MIPOL1: variants seen among roughly 807,000 people sequenced by gnomAD.
The protein encoded by MIPOL1 is mirror-image polydactyly gene 1 protein.
MIPOL1 carries 57 observed loss-of-function variants against 60.9 expected under a neutral mutation model. The ratio of observed to expected loss-of-function variants is 0.94; its 90% CI spans 0.76 to 1.17. MIPOL1 has a LOEUF of 1.17. MIPOL1 is among the 50% of genes most tolerant of loss of function. The pLI is 0.00. For missense variants in MIPOL1, 551 were observed against 511.6 expected, an observed-to-expected ratio of 1.08 and a Z score of -0.74; for synonymous variants, 179 against 168.8, an observed-to-expected ratio of 1.06 and a Z score of -0.47.
intron 11 of MIPOL1, among the ~76,000 whole-genome samples, chr14:37,460,700 T>C (rs755373275): frequency 3.3e-5 from 5 of 152,144 alleles, no homozygotes; most frequent in Non-Finnish European, 7.4e-5. Context: ...CAGTAGCATT[T>C]CCATATACCA....
intron 9 of MIPOL1, among the ~76,000 whole-genome samples, chr14:37,362,756 A>C (rs2092320466): frequency 6.6e-6 from 1 of 152,250 alleles, no homozygotes; most frequent in African/African-American, 2.4e-5. Context: ...AATCAAATGT[A>C]GATTTGGTCT....
intron 9 of MIPOL1, among the ~76,000 whole-genome samples, chr14:37,330,396 C>G (rs1044564881): frequency 6.6e-6 from 1 of 152,030 alleles, no homozygotes; most frequent in African/African-American, 2.4e-5. Context: ...TTCTAAACAC[C>G]TGGAAGCTAG....
chr14:37,477,290 G>T (rs972821367), intron 11 of MIPOL1, among the ~76,000 whole-genome samples: 1 of 151,916 alleles, frequency 6.6e-6, no homozygotes, highest in Non-Finnish European at 1.5e-5. Context: ...GGATGAGATC[G>T]TAGAGAATTG....
chr14:37,256,088 TAACA>T lies in MIPOL1; in HGVS notation c.19+8187_19+8190del, dbSNP rs757757373. Among the ~76,000 whole-genome samples, 26 of 152,030 alleles carry T rather than the reference TAACA, an allele frequency of 1.7e-4. No individual in the cohort carries two copies. The East Asian group carries it at 3.9e-3, about 23-fold the overall frequency. On this transcript the variant is annotated intron_variant, in intron 3 of 12. Transcript: ENST00000684589. ...TGATACACTGTAAAATTAACACAGT[TAACA>T]AACAATGTTCATTGATGTGAACAGT...
chr14:37,316,993 A>G (rs1236460827), intron 9 of MIPOL1, among the ~76,000 whole-genome samples: 1 of 152,100 alleles, frequency 6.6e-6, no homozygotes, highest in African/African-American at 2.4e-5. Context: ...ACAAACAAAC[A>G]AACAAACAAA....
intron 9 of MIPOL1, among the ~76,000 whole-genome samples, chr14:37,332,454 A>T (rs541281359): frequency 6.6e-6 from 1 of 152,172 alleles, no homozygotes; most frequent in African/African-American, 2.4e-5. Flanking sequence ...TTGACTCCCC[A>T]AAACCTAACT....
At position 37,200,699 on chromosome 14, in the gene MIPOL1, C is replaced by G. The variant is rs1312822539; in HGVS notation, c.-199+2595C>G. On this transcript the variant is annotated intron_variant, in intron 1 of 12. Transcript: ENST00000684589. ...TTTTTTTTTTTTTTAACACAGTCCT[C>G]TGGCTGGATTTGAGTTGTGGGCCAT... Among the ~76,000 whole-genome samples, 8 of 138,334 alleles carry G rather than the reference C, an allele frequency of 5.8e-5. No homozygotes were observed. The South Asian group carries it at 1.9e-3, about 32-fold the overall frequency. The allele number at this position is 138,334 out of a possible 152,430, so 90.8% of individuals were successfully genotyped here. A position where few individuals can be genotyped will look rare whatever the true frequency, so the allele number is the denominator to read the frequency against.
intron 1 of MIPOL1, among the ~76,000 whole-genome samples, chr14:37,205,374 G>A (rs942933952): frequency 6.6e-6 from 1 of 152,068 alleles, no homozygotes; most frequent in African/African-American, 2.4e-5. Flanking sequence ...AAAGTGCAGG[G>A]ATTACAGGTA....
intron 12 of MIPOL1, among the ~76,000 whole-genome samples, chr14:37,511,808 T>C (rs899310319): frequency 3.3e-5 from 5 of 152,192 alleles, no homozygotes; most frequent in African/African-American, 9.6e-5. Flanking sequence ...TCATTTTTAC[T>C]GTGGGCCAGA....
chr14:37,466,013 C>T (rs1212605461), intron 11 of MIPOL1, among the ~76,000 whole-genome samples: 1 of 152,092 alleles, frequency 6.6e-6, no homozygotes, highest in Non-Finnish European at 1.5e-5. Flanking sequence ...AGGGGCTCAA[C>T]AGATAATTTA....
chr14:37,243,372 T>G (rs1260696417), intron 1 of MIPOL1, among the ~76,000 whole-genome samples: 1 of 152,146 alleles, frequency 6.6e-6, no homozygotes, highest in Non-Finnish European at 1.5e-5. Flanking sequence ...TTTTGTATAA[T>G]AAGATGAAAA....
At chr14:37,489,432 C>T (rs2095010804) in intron 11 of MIPOL1, among the ~76,000 whole-genome samples, 1 of 152,142 alleles carries the variant, frequency 6.6e-6, no homozygotes, top group East Asian at 1.9e-4. Flanking sequence ...TATTACCCAC[C>T]TACTAAAGCC....
chr14:37,531,826 A>G (rs2153636546), intron 12 of MIPOL1, among the ~76,000 whole-genome samples: 1 of 152,298 alleles, frequency 6.6e-6, no homozygotes, highest in Non-Finnish European at 1.5e-5. Context: ...CTGGCACTGT[A>G]GGTGACTATA....
intron 11 of MIPOL1, among the ~76,000 whole-genome samples, chr14:37,459,590 A>G (rs980244319): frequency 6.6e-6 from 1 of 152,212 alleles, no homozygotes; most frequent in Non-Finnish European, 1.5e-5. Context: ...TAGTACATGT[A>G]CAAAGAAGAG....
At chr14:37,450,057 C>G (rs980617991) in intron 11 of MIPOL1, among the ~76,000 whole-genome samples, 14 of 152,194 alleles carry the variant, frequency 9.2e-5, no homozygotes, top group Non-Finnish European at 1.8e-4. Context: ...AACTGATCTG[C>G]CAGCCTTGGT....
chr14:37,292,656 C>G (rs1007496926), intron 7 of MIPOL1, among the ~76,000 whole-genome samples: 1 of 151,464 alleles, frequency 6.6e-6, no homozygotes, highest in Admixed American at 6.6e-5. Context: ...AATTTTTGTA[C>G]TTTCAGTAGC....
intron 1 of MIPOL1, among the ~76,000 whole-genome samples, chr14:37,229,788 G>T (rs1296371989): frequency 6.6e-6 from 1 of 151,920 alleles, no homozygotes; most frequent in Non-Finnish European, 1.5e-5. Context: ...GTTACATTAA[G>T]GATTAAAATA....
chr14:37,268,911 C>A (rs2083082794), intron 5 of MIPOL1, 118 bp downstream of exon 5: 1 of 855,316 alleles, frequency 1.2e-6, no homozygotes, highest in Non-Finnish European at 1.7e-6. Context: ...TTAACAGTAG[C>A]TTTATGTTTT....
chr14:37,518,865 T>C (rs1255064280), intron 12 of MIPOL1, among the ~76,000 whole-genome samples: 1 of 152,058 alleles, frequency 6.6e-6, no homozygotes, highest in African/African-American at 2.4e-5. Context: ...AAAGGACACA[T>C]AAACCATCGT....
Sources: gnomAD v4.1 joint callset for allele counts (sites outside exome capture counted in the v4.1 genomes callset) on GRCh38, gnomAD v4.1.1 for gene constraint, MANE v1.5 for transcripts, NCBI Gene and HGNC (gene_info 2026-07-23, HGNC 2026-07-21) for gene names.